Variants in ZNF385B observed in about 807,000 individuals in gnomAD.
ZNF385B encodes zinc finger protein 385B, also known as zinc finger protein 533.
Under a neutral mutation model 39.2 loss-of-function variants are expected in ZNF385B, and 23 were observed. The ratio of observed to expected loss-of-function variants is 0.59; its 90% CI spans 0.42 to 0.83. ZNF385B has a LOEUF of 0.83. Ranked by LOEUF, ZNF385B falls within the 40% of genes least tolerant of loss-of-function variation. The probability of loss-of-function intolerance (pLI) is 0.00; values close to 1 mark genes in which losing one functional copy is unlikely to be tolerated. For missense variants in ZNF385B, 552 were observed against 598.9 expected, an observed-to-expected ratio of 0.92 and a Z score of 0.82; for synonymous variants, 205 against 222.6, an observed-to-expected ratio of 0.92 and a Z score of 0.70.
intron 3 of ZNF385B, among the ~76,000 whole-genome samples, chr2:179,700,622 C>G (rs965603580): frequency 9.2e-5 from 14 of 152,170 alleles, no homozygotes; most frequent in African/African-American, 2.7e-4. Flanking sequence ...TTGTGGAATG[C>G]TGAATAAATT....
At chr2:179,642,972 TC>T (rs1239377619) in intron 3 of ZNF385B, among the ~76,000 whole-genome samples, 1 of 152,146 alleles carries the variant, frequency 6.6e-6, no homozygotes, top group African/African-American at 2.4e-5. Flanking sequence ...AATGACTGTT[TC>T]AGTTGTGAGC....
chr2:179,674,884 A>G (rs1389109294), intron 3 of ZNF385B, among the ~76,000 whole-genome samples: 2 of 152,182 alleles, frequency 1.3e-5, no homozygotes, highest in African/African-American at 2.4e-5. Flanking sequence ...CTAACTCCTC[A>G]CAATCCTCAT....
At chr2:179,449,862 C>A (rs1464096672) in intron 6 of ZNF385B, among the ~76,000 whole-genome samples, 1 of 151,732 alleles carries the variant, frequency 6.6e-6, no homozygotes, top group East Asian at 1.9e-4. Flanking sequence ...TACCACAAGG[C>A]TACAGTAACC....
At chr2:179,824,983 G>A (rs1250135184) in intron 1 of ZNF385B, among the ~76,000 whole-genome samples, 1 of 152,120 alleles carries the variant, frequency 6.6e-6, no homozygotes, top group African/African-American at 2.4e-5. Context: ...CTCTTTGTGT[G>A]AGCAAAGAAA....
intron 3 of ZNF385B, among the ~76,000 whole-genome samples, chr2:179,601,265 G>C (rs185541429): frequency 6.6e-6 from 1 of 152,120 alleles, no homozygotes; most frequent in Non-Finnish European, 1.5e-5. Context: ...AGGAGTAAGC[G>C]TTTTGGGCTG....
At chr2:179,602,477 G>A (rs943011375) in intron 3 of ZNF385B, among the ~76,000 whole-genome samples, 3 of 152,098 alleles carry the variant, frequency 2.0e-5, no homozygotes, top group Admixed American at 2.0e-4. Context: ...GGGATTACAG[G>A]TGTGAGCCAT....
intron 9 of ZNF385B, 40 bp from the exon 10 acceptor site, chr2:179,443,508 G>T: frequency 1.4e-6 from 2 of 1,481,216 alleles, no homozygotes; most frequent in Non-Finnish European, 1.9e-6. Flanking sequence ...TGGAGATCCT[G>T]TTTTTGAATA....
chr2:179,768,462 G>C (rs1186863513), intron 3 of ZNF385B, among the ~76,000 whole-genome samples: 1 of 152,152 alleles, frequency 6.6e-6, no homozygotes, highest in East Asian at 1.9e-4. Context: ...GTAAAAAGTA[G>C]TTAGATTTGG....
chr2:179,809,388 T>A (rs910988016), intron 1 of ZNF385B, among the ~76,000 whole-genome samples: 3 of 152,176 alleles, frequency 2.0e-5, no homozygotes, highest in Admixed American at 6.5e-5. Context: ...TTCTATTTTG[T>A]ATATCTTCAT....
intron 1 of ZNF385B, among the ~76,000 whole-genome samples, chr2:179,788,629 T>A (rs1375358207): frequency 6.6e-6 from 1 of 151,982 alleles, no homozygotes; most frequent in Admixed American, 6.6e-5. Flanking sequence ...GAAGGTCAGG[T>A]ATATAAAAGA....
rs1238182749 is a variant in ZNF385B at position 179,442,267 on chromosome 2, T to G, written c.*983A>C. The stretch of plus-strand genomic sequence containing the variant: ...ATTATTGCATTAGGGAGCCACAAAA[T>G]TATGTAGCATCATTACAAATGAAAA... On this transcript the variant is annotated 3_prime_UTR_variant, in exon 10 of 10. Transcript: ENST00000410066. The G allele has an allele frequency of 6.6e-6, 1 of 152,636 alleles. No individual in the cohort carries two copies. Among genetic ancestry groups the G allele is most frequent in the African/African-American group, 2.4e-5 (1 of 41,460 alleles). The allele number at this position is 152,636 out of a possible 1,614,324, so 9.5% of individuals were successfully genotyped here. A position where few individuals can be genotyped will look rare whatever the true frequency, so the allele number is the denominator to read the frequency against.
At chr2:179,444,757 G>T in intron 9 of ZNF385B, 119 bp downstream of exon 9, 1 of 829,248 alleles carries the variant, frequency 1.2e-6, no homozygotes. Flanking sequence ...CTGTCTATGA[G>T]GGCTATTTAA....
intron 3 of ZNF385B, among the ~76,000 whole-genome samples, chr2:179,596,037 C>A (rs1687972820): frequency 6.6e-6 from 1 of 152,112 alleles, no homozygotes; most frequent in African/African-American, 2.4e-5. Context: ...CTACTAAATT[C>A]TTCAAAATCT....
chr2:179,799,780 G>A (rs1351967137), intron 1 of ZNF385B, among the ~76,000 whole-genome samples: 1 of 152,020 alleles, frequency 6.6e-6, no homozygotes, highest in Non-Finnish European at 1.5e-5. Context: ...TAATAAGCAG[G>A]GAATTAAATG....
At chr2:179,782,537 T>C (rs4894124) in intron 1 of ZNF385B, among the ~76,000 whole-genome samples, 61,070 of 152,018 alleles carry the variant, frequency 0.4, 12,506 homozygotes, top group East Asian at 0.6. Context: ...AAAGAGGAAG[T>C]CAAACTATCT....
intron 3 of ZNF385B, among the ~76,000 whole-genome samples, chr2:179,747,444 C>A (rs1044137741): frequency 2.0e-5 from 3 of 152,078 alleles, no homozygotes; most frequent in Admixed American, 6.6e-5. Context: ...GCCCCTAGGG[C>A]AACATTTGAA....
At chr2:179,707,373 G>A (rs1313089785) in intron 3 of ZNF385B, among the ~76,000 whole-genome samples, 1 of 152,192 alleles carries the variant, frequency 6.6e-6, no homozygotes, top group South Asian at 2.1e-4. Context: ...TGCCAATAAT[G>A]AGGACCAGCC....
At position 179,620,155 on chromosome 2, in the gene ZNF385B, T is replaced by A. The variant is rs933641321; in HGVS notation, c.299-75186A>T. 4.6e-5 allele frequency among the ~76,000 whole-genome samples: 7 copies of A among 152,170 alleles called. No individual in the cohort carries two copies. In the East Asian group the frequency reaches 1.3e-3, roughly 29 times the overall value. ...TGTCTCTTGAGTGATTAGCTAAGATTATGATTGCTTTTCCCCCAGAAACTA... is the reference window on the plus strand; with the variant it reads ...TGTCTCTTGAGTGATTAGCTAAGATAATGATTGCTTTTCCCCCAGAAACTA... On this transcript the variant is annotated intron_variant, in intron 3 of 9. Coordinates refer to ENST00000410066, the MANE Select transcript of ZNF385B (RefSeq NM_152520.6).
chr2:179,791,078 G>A (rs1705297571), intron 1 of ZNF385B, among the ~76,000 whole-genome samples: 1 of 152,172 alleles, frequency 6.6e-6, no homozygotes, highest in Non-Finnish European at 1.5e-5. Context: ...GTGATTGAGT[G>A]GGAGGCAGCA....
Sources: gnomAD v4.1 joint callset for allele counts (sites outside exome capture counted in the v4.1 genomes callset) on GRCh38, gnomAD v4.1.1 for gene constraint, MANE v1.5 for transcripts, NCBI Gene and HGNC (gene_info 2026-07-23, HGNC 2026-07-21) for gene names.